LRRTM4: variants seen among roughly 807,000 people sequenced by gnomAD.
LRRTM4 encodes the protein leucine-rich repeat transmembrane neuronal protein 4.
LRRTM4 carries 25 observed loss-of-function variants against 47.6 expected under a neutral mutation model. The observed-to-expected ratio is 0.53, with a 90% CI of 0.38 to 0.73. The LOEUF (loss-of-function observed/expected upper bound fraction) is 0.73. LRRTM4 is among the 30% of genes least tolerant of loss of function. The probability of loss-of-function intolerance (pLI) is 0.00; values close to 1 mark genes in which losing one functional copy is unlikely to be tolerated. For missense variants in LRRTM4, 638 were observed against 713.4 expected (o/e 0.89, Z 1.20); for synonymous variants, 311 against 269.5 (o/e 1.15, Z -1.51).
At chr2:77,066,741 A>G (rs894185913) in intron 3 of LRRTM4, among the ~76,000 whole-genome samples, 4 of 152,246 alleles carry the variant, frequency 2.6e-5, no homozygotes, top group African/African-American at 9.6e-5. Flanking sequence ...GGTATGTGTG[A>G]AGTATTAAAA....
At chr2:77,457,949 A>T (rs1676624586) in intron 3 of LRRTM4, among the ~76,000 whole-genome samples, 1 of 152,136 alleles carries the variant, frequency 6.6e-6, no homozygotes, top group South Asian at 2.1e-4. Flanking sequence ...CAGTGCAGAC[A>T]ATGTATTTAG....
chr2:77,023,112 C>T (rs980147665), intron 3 of LRRTM4, among the ~76,000 whole-genome samples: 2 of 152,146 alleles, frequency 1.3e-5, no homozygotes, highest in African/African-American at 4.8e-5. Context: ...CCTGCAGGCT[C>T]AACACCATGT....
chr2:77,245,037 A>G (rs766925574), intron 3 of LRRTM4, among the ~76,000 whole-genome samples: 1 of 152,168 alleles, frequency 6.6e-6, no homozygotes, highest in African/African-American at 2.4e-5. Flanking sequence ...CACCTAAAGT[A>G]TAGGATTATG....
chr2:76,783,354 A>G (rs1380976292), intron 3 of LRRTM4, among the ~76,000 whole-genome samples: 2 of 152,182 alleles, frequency 1.3e-5, no homozygotes, highest in South Asian at 2.1e-4. Flanking sequence ...TTTATTTAGT[A>G]TATTTTTAAA....
chr2:76,997,994 G>A (rs886090354), intron 3 of LRRTM4, among the ~76,000 whole-genome samples: 1 of 151,966 alleles, frequency 6.6e-6, no homozygotes, highest in Admixed American at 6.6e-5. Context: ...GGACTGTCTA[G>A]TTACAGAAAA....
intron 3 of LRRTM4, among the ~76,000 whole-genome samples, chr2:76,805,585 G>A (rs1675926019): frequency 1.3e-5 from 2 of 152,152 alleles, no homozygotes; most frequent in African/African-American, 4.8e-5. Context: ...GAACAAGGAA[G>A]CATATACTTA....
intron 3 of LRRTM4, among the ~76,000 whole-genome samples, chr2:76,963,000 A>G (rs1352710829): frequency 6.6e-6 from 1 of 150,924 alleles, no homozygotes; most frequent in East Asian, 1.9e-4. Flanking sequence ...ATCAATGAAC[A>G]AAAGGTAGAA....
chr2:77,065,182 C>T (rs776566367), intron 3 of LRRTM4, among the ~76,000 whole-genome samples: 9 of 152,108 alleles, frequency 5.9e-5, no homozygotes, highest in African/African-American at 9.7e-5. Flanking sequence ...TCCCATTCAA[C>T]AGGAAACTTA....
intron 3 of LRRTM4, among the ~76,000 whole-genome samples, chr2:77,089,745 C>G (rs536849818): frequency 0.018 from 2,471 of 140,104 alleles, 18 homozygotes; most frequent in Non-Finnish European, 0.024. Context: ...TTATTTTCTT[C>G]TGCAATGCCG....
intron 1 of LRRTM4, 89 bp from the exon 2 acceptor site, chr2:77,521,907 G>T: frequency 2.1e-6 from 1 of 477,314 alleles, no homozygotes. Flanking sequence ...AGCACAGGGT[G>T]GGATGGTTGT....
chr2:76,978,651 A>G (rs1228509074), intron 3 of LRRTM4, among the ~76,000 whole-genome samples: 1 of 152,080 alleles, frequency 6.6e-6, no homozygotes, highest in African/African-American at 2.4e-5. Flanking sequence ...TTCTACCTAC[A>G]AGATGTAGCA....
chr2:77,490,988 C>A (rs1678131928), intron 3 of LRRTM4, among the ~76,000 whole-genome samples: 1 of 151,490 alleles, frequency 6.6e-6, no homozygotes, highest in Non-Finnish European at 1.5e-5. Context: ...TAAAACTAAT[C>A]TGGATAGGTA....
intron 3 of LRRTM4, among the ~76,000 whole-genome samples, chr2:77,441,713 A>G (rs1394792875): frequency 6.6e-6 from 1 of 152,186 alleles, no homozygotes; most frequent in Non-Finnish European, 1.5e-5. Flanking sequence ...GGACCATAAA[A>G]GCATGTTTTT....
At chr2:77,069,401 A>ATGTGTGTGTGTGTGTG (rs3058064) in intron 3 of LRRTM4, among the ~76,000 whole-genome samples, 63 of 141,562 alleles carry the variant, frequency 4.5e-4, no homozygotes, top group African/African-American at 1.5e-3. Context: ...ACATTTCACT[A>ATGTGTGTGTGTGTGTG]TGTGTGTGTG....
At chr2:77,147,091 T>G (rs1672279161) in intron 3 of LRRTM4, among the ~76,000 whole-genome samples, 1 of 152,212 alleles carries the variant, frequency 6.6e-6, no homozygotes, top group Non-Finnish European at 1.5e-5. Context: ...TAGGTAGGAT[T>G]AAGCTAATTT....
Position 77,285,031 on chromosome 2 carries a change from T to C in LRRTM4, c.1551+233287A>G, listed in dbSNP as rs77505746. ...AGAGCAATAATACTTAATGCTACTA[T>C]AGAGCCTTTATTCCTGGCGGTTCAG... On this transcript the variant is annotated intron_variant, in intron 3 of 3. Coordinates refer to ENST00000409884, the MANE Select transcript of LRRTM4 (RefSeq NM_001134745.3). Among the ~76,000 whole-genome samples, 69 of 152,174 alleles carry C rather than the reference T, an allele frequency of 4.5e-4. 3 individuals are homozygous for C. The East Asian group carries it at 0.013, about 29-fold the overall frequency.
At chr2:77,452,623 A>G (rs922947815) in intron 3 of LRRTM4, among the ~76,000 whole-genome samples, 8 of 152,192 alleles carry the variant, frequency 5.3e-5, no homozygotes, top group African/African-American at 1.7e-4. Context: ...AGGATCCCGC[A>G]CTTGGTTTAT....
At chr2:77,461,170 T>C (rs945941023) in intron 3 of LRRTM4, among the ~76,000 whole-genome samples, 1 of 104,446 alleles carries the variant, frequency 9.6e-6, no homozygotes, top group Admixed American at 9.0e-5. Flanking sequence ...AGAGAGAGAG[T>C]TCTATCTGCT....
chr2:77,296,748 C>A (rs1676985027), intron 3 of LRRTM4, among the ~76,000 whole-genome samples: 1 of 152,142 alleles, frequency 6.6e-6, no homozygotes, highest in Non-Finnish European at 1.5e-5. Context: ...GTGAGCTGGG[C>A]CACCACCAGC....
Sources: allele counts gnomAD v4.1 joint callset (sites outside exome capture counted in the v4.1 genomes callset), GRCh38; gene constraint gnomAD v4.1.1; transcripts MANE v1.5; gene names NCBI Gene and HGNC (gene_info 2026-07-23, HGNC 2026-07-21).